The following UMAD1 variants were observed in gnomAD, a reference collection of about 807,000 sequenced individuals.
The protein encoded by UMAD1 is UBAP1-MVB12-associated (UMA)-domain containing protein 1.
In UMAD1, 8 loss-of-function variants were observed where a neutral mutation model predicts 6.1. The ratio of observed to expected loss-of-function variants is 1.30; its 90% CI spans 0.76 to 2.35. UMAD1 has a LOEUF of 2.35. Among genes scored for constraint, UMAD1 ranks in the 30% most tolerant of loss-of-function variants. UMAD1 has a pLI of 0.00. For missense variants in UMAD1, 130 were observed against 78.4 expected (o/e 1.66, Z -2.49); for synonymous variants, 56 against 31.4 (o/e 1.78, Z -2.61).
chr7:7,777,601 A>ATATATATATATATATG, intron 2 of UMAD1, among the ~76,000 whole-genome samples: 1 of 144,574 alleles, frequency 6.9e-6, no homozygotes, highest in East Asian at 2.0e-4. Context: ...ATATATATAT[A>ATATATATATATATATG]TGTAATTGCC....
intron 2 of UMAD1, among the ~76,000 whole-genome samples, chr7:7,784,220 C>T (rs1004346115): frequency 6.6e-6 from 1 of 152,104 alleles, no homozygotes; most frequent in African/African-American, 2.4e-5. Flanking sequence ...TCAGCAAAAT[C>T]ATTCCTACTT....
At chr7:7,793,940 T>C (rs530941587) in intron 2 of UMAD1, among the ~76,000 whole-genome samples, 1 of 152,292 alleles carries the variant, frequency 6.6e-6, no homozygotes, top group Admixed American at 6.5e-5. Context: ...TCAAATACAC[T>C]TCGAAAAAAA....
intron 2 of UMAD1, among the ~76,000 whole-genome samples, chr7:7,694,478 G>C (rs1344026844): frequency 6.6e-6 from 1 of 151,988 alleles, no homozygotes; most frequent in Non-Finnish European, 1.5e-5. Flanking sequence ...CTTACTTATT[G>C]TATCAAACTA....
At chr7:7,667,866 T>C (rs1274460919) in intron 1 of UMAD1, among the ~76,000 whole-genome samples, 3 of 152,198 alleles carry the variant, frequency 2.0e-5, no homozygotes, top group East Asian at 1.9e-4. Flanking sequence ...TGGTTTAAGA[T>C]TGTGCTCTAC....
chr7:7,863,847 C>T (rs1421110745), intron 3 of UMAD1, among the ~76,000 whole-genome samples: 2 of 152,170 alleles, frequency 1.3e-5, no homozygotes, highest in African/African-American at 4.8e-5. Context: ...TCCCTTTGGC[C>T]ACTTTTTTTC....
chr7:7,672,720 G>A (rs1319477154), intron 1 of UMAD1, among the ~76,000 whole-genome samples: 2 of 152,156 alleles, frequency 1.3e-5, no homozygotes, highest in Non-Finnish European at 2.9e-5. Flanking sequence ...GGCCTCCCCA[G>A]CCATGTGAAA....
chr7:7,743,745 T>G (rs1234024162), intron 2 of UMAD1, among the ~76,000 whole-genome samples: 1 of 151,460 alleles, frequency 6.6e-6, no homozygotes, highest in African/African-American at 2.4e-5. Context: ...ATTCTGCACT[T>G]TTAAAAAAAT....
intron 2 of UMAD1, among the ~76,000 whole-genome samples, chr7:7,757,817 C>T (rs920680223): frequency 2.6e-5 from 4 of 152,104 alleles, no homozygotes; most frequent in African/African-American, 4.8e-5. Context: ...ATGCCTGGTA[C>T]GTAATATATG....
At chr7:7,726,498 C>T (rs1397777505) in intron 2 of UMAD1, among the ~76,000 whole-genome samples, 1 of 152,218 alleles carries the variant, frequency 6.6e-6, no homozygotes, top group Non-Finnish European at 1.5e-5. Flanking sequence ...ACGCAAAGTT[C>T]TCCAGAAGGC....
chr7:7,723,954 A>G (rs1210921004), intron 2 of UMAD1, among the ~76,000 whole-genome samples: 2 of 152,184 alleles, frequency 1.3e-5, no homozygotes, highest in Non-Finnish European at 2.9e-5. Flanking sequence ...CGAATGGACA[A>G]AAGACTAATT....
chr7:7,759,589 A>T (rs1781844335), intron 2 of UMAD1, among the ~76,000 whole-genome samples: 1 of 152,240 alleles, frequency 6.6e-6, no homozygotes, highest in Admixed American at 6.5e-5. Flanking sequence ...AAATGGGAAA[A>T]GTACTATCAT....
rs116458115 is a variant in UMAD1 at position 7,721,455 on chromosome 7, G to A, written c.82+48002G>A. Reference sequence around the variant, plus strand: ...CACTACTGCTGCATAATTGTGAGCCGTAGGGGATACTGCCATTAGGAGCCA... The same window carrying A: ...CACTACTGCTGCATAATTGTGAGCCATAGGGGATACTGCCATTAGGAGCCA... On this transcript the variant is annotated intron_variant, in intron 2 of 3. Transcript: ENST00000682710. Among the ~76,000 whole-genome samples the A allele has an allele frequency of 2.8e-3, 432 of 152,306 alleles. 2 individuals are homozygous for A. Among genetic ancestry groups the A allele is most frequent in the African/African-American group, 8.5e-3 (352 of 41,570 alleles).
intron 3 of UMAD1, among the ~76,000 whole-genome samples, chr7:7,849,121 T>G (rs1289770915): frequency 6.6e-6 from 1 of 152,200 alleles, no homozygotes; most frequent in Non-Finnish European, 1.5e-5. Context: ...TAACATTTAT[T>G]GATTACTTAC....
intron 3 of UMAD1, among the ~76,000 whole-genome samples, chr7:7,848,009 AG>A (rs1323984713): frequency 6.6e-6 from 1 of 152,190 alleles, no homozygotes; most frequent in African/African-American, 2.4e-5. Flanking sequence ...TAAGCCAATG[AG>A]GAATTTTTAA....
At position 7,763,382 on chromosome 7, in the gene UMAD1, T is replaced by A. The variant is rs113201770; in HGVS notation, c.83-38288T>A. ...ATCACCTGGGTAGTGACCCTAGTAC[T>A]CAATAAGTGGTTCTTCAGCCCACAT... On this transcript the variant is annotated intron_variant, in intron 2 of 3. Transcript: ENST00000682710. 5.3e-5 allele frequency among the ~76,000 whole-genome samples: 8 copies of A among 152,270 alleles called. 1 individual carries two copies. The highest frequency in any genetic ancestry group is 1.9e-4 in the African/African-American group (8 of 41,570).
At chr7:7,861,461 T>C (rs1184388446) in intron 3 of UMAD1, among the ~76,000 whole-genome samples, 3 of 152,212 alleles carry the variant, frequency 2.0e-5, no homozygotes, top group Non-Finnish European at 4.4e-5. Flanking sequence ...AGAGCCAAGG[T>C]CAAGTGACAC....
At chr7:7,833,935 C>A (rs1421021817) in intron 3 of UMAD1, among the ~76,000 whole-genome samples, 1 of 151,896 alleles carries the variant, frequency 6.6e-6, no homozygotes. Flanking sequence ...AAGGAGATTC[C>A]GTGGGTAACC....
rs58039932 is a variant in UMAD1, at chr7:7,777,574, AATATATAT to A, written c.83-24075_83-24068del. Among the ~76,000 whole-genome samples the A allele has an allele frequency of 2.8e-4, 32 of 113,548 alleles. 2 individuals are homozygous for A. The highest frequency in any genetic ancestry group is 8.7e-4 in the African/African-American group (22 of 25,402). 74.5% of individuals were successfully genotyped at this position (113,548 alleles called of 152,430 possible). ...ATTTATGTCATTTCATACATGAGCAAATATATATATATATATATATATATATATGTAAT... is the reference window on the plus strand; with the variant it reads ...ATTTATGTCATTTCATACATGAGCAAATATATATATATATATATATGTAAT... On this transcript the variant is annotated intron_variant, in intron 2 of 3. Transcript: ENST00000682710.
chr7:7,733,449 A>G (rs1380925196), intron 2 of UMAD1, among the ~76,000 whole-genome samples: 2 of 151,818 alleles, frequency 1.3e-5, no homozygotes, highest in African/African-American at 4.8e-5. Context: ...GATTGAAGGA[A>G]TTCCTCCTGC....
Sources: gnomAD v4.1 joint callset for allele counts (sites outside exome capture counted in the v4.1 genomes callset) on GRCh38, gnomAD v4.1.1 for gene constraint, MANE v1.5 for transcripts, NCBI Gene and HGNC (gene_info 2026-07-23, HGNC 2026-07-21) for gene names.